The following RANBP2 variants were observed in gnomAD, a reference collection of about 807,000 sequenced individuals.
RANBP2 encodes the protein RAN binding protein 2, also known as E3 SUMO-protein ligase RanBP2.
RANBP2 carries 57 observed loss-of-function variants against 303.6 expected under a neutral mutation model. The observed-to-expected ratio is 0.19, with a 90% CI of 0.15 to 0.23. RANBP2 has a LOEUF of 0.23. RANBP2 is among the 10% of genes least tolerant of loss of function. RANBP2 has a pLI of 1.00. For synonymous variants in RANBP2, 1,167 were observed against 1,301.5 expected, an observed-to-expected ratio of 0.90 and a Z score of 2.23; for missense variants, 3,138 against 3,780.8, an observed-to-expected ratio of 0.83 and a Z score of 4.46.
intron 8 of RANBP2, among the ~76,000 whole-genome samples, chr2:108,747,081 A>C (rs535175098): frequency 9.8e-5 from 15 of 152,314 alleles, no homozygotes; most frequent in Admixed American, 3.3e-4. Flanking sequence ...CACTTCCTGA[A>C]CTAAGTATAA....
At chr2:109,719,762 T>C in the RANBP2 span, among the ~76,000 whole-genome samples, 2 of 152,146 alleles carry the variant, frequency 1.3e-5, no homozygotes, top group Non-Finnish European at 2.9e-5. Context: ...GGAGAGTCCA[T>C]AGATACCTTA....
At chr2:108,886,358 A>G in the RANBP2 span, among the ~76,000 whole-genome samples, 2 of 152,066 alleles carry the variant, frequency 1.3e-5, no homozygotes, top group Non-Finnish European at 2.9e-5. Context: ...TTTTTCATGT[A>G]TCTGTTGGTT....
At chr2:108,973,020 CTT>C in the RANBP2 span, among the ~76,000 whole-genome samples, 11 of 151,870 alleles carry the variant, frequency 7.2e-5, 1 homozygote, top group African/African-American at 2.2e-4. Context: ...GAGTTTCACT[CTT>C]GTCATCCAGG....
chr2:109,499,502 G>A, the RANBP2 span, among the ~76,000 whole-genome samples: 1 of 152,196 alleles, frequency 6.6e-6, no homozygotes, highest in Non-Finnish European at 1.5e-5. Context: ...GGCTGGGGGT[G>A]CAGGGGCCCA....
chr2:109,437,837 A>G, the RANBP2 span, among the ~76,000 whole-genome samples: 1 of 152,214 alleles, frequency 6.6e-6, no homozygotes, highest in Non-Finnish European at 1.5e-5. Context: ...TGTTGAGCTA[A>G]TAAGAACTGC....
At chr2:109,318,044 G>A in the RANBP2 span, among the ~76,000 whole-genome samples, 1,276 of 150,388 alleles carry the variant, frequency 8.5e-3, 15 homozygotes, top group African/African-American at 0.03. Context: ...GAGGATCATC[G>A]TGATCCTTTC....
the RANBP2 span, among the ~76,000 whole-genome samples, chr2:109,730,280 G>C: frequency 1.3e-5 from 2 of 152,148 alleles, no homozygotes; most frequent in East Asian, 1.9e-4. Flanking sequence ...TGGATGGTTT[G>C]AATAAACCTC....
chr2:109,732,805 C>G, the RANBP2 span: 7 of 1,171,816 alleles, frequency 6.0e-6, no homozygotes, highest in African/African-American at 1.1e-4. Context: ...GTGGACCACT[C>G]TGAAGTGTGT....
chr2:109,189,953 G>A, the RANBP2 span, among the ~76,000 whole-genome samples: 1 of 152,204 alleles, frequency 6.6e-6, no homozygotes, highest in Non-Finnish European at 1.5e-5. Flanking sequence ...CAAACTCTGT[G>A]TGGAATGTTC....
the RANBP2 span, among the ~76,000 whole-genome samples, chr2:109,737,889 A>G: frequency 2.6e-5 from 4 of 152,268 alleles, no homozygotes; most frequent in South Asian, 6.2e-4. Context: ...AGAAATGTCT[A>G]CTTAGATCAT....
chr2:109,500,850 T>C, the RANBP2 span, among the ~76,000 whole-genome samples: 3 of 152,144 alleles, frequency 2.0e-5, no homozygotes, highest in African/African-American at 7.2e-5. Flanking sequence ...TTCGGGAGGC[T>C]GAGGTGGGAG....
the RANBP2 span, among the ~76,000 whole-genome samples, chr2:109,574,056 A>C: frequency 1.3e-3 from 192 of 152,312 alleles, 2 homozygotes; most frequent in South Asian, 0.024. Context: ...GGAAACTAAA[A>C]TTTTATTGCA....
At chr2:109,183,323 C>T in the RANBP2 span, among the ~76,000 whole-genome samples, 1 of 151,978 alleles carries the variant, frequency 6.6e-6, no homozygotes, top group Admixed American at 6.6e-5. Flanking sequence ...AATAAAGTAA[C>T]TGATAAGTGC....
At chr2:109,022,255 C>T in the RANBP2 span, among the ~76,000 whole-genome samples, 1 of 152,170 alleles carries the variant, frequency 6.6e-6, no homozygotes, top group Non-Finnish European at 1.5e-5. Flanking sequence ...AACGCCAATA[C>T]TAAACGCCTC....
the RANBP2 span, among the ~76,000 whole-genome samples, chr2:108,976,688 G>A: frequency 6.6e-6 from 1 of 152,012 alleles, no homozygotes; most frequent in Admixed American, 6.6e-5. Context: ...TTAAACTCTG[G>A]GTTATAACCC....
the RANBP2 span, among the ~76,000 whole-genome samples, chr2:109,599,756 C>T: frequency 4.3e-4 from 65 of 152,122 alleles, 1 homozygote; most frequent in Admixed American, 2.0e-4. Flanking sequence ...GAGTCTCAAG[C>T]TTAACAAAAG....
chr2:109,161,577 A>C, the RANBP2 span, among the ~76,000 whole-genome samples: 1 of 151,718 alleles, frequency 6.6e-6, no homozygotes, highest in East Asian at 1.9e-4. Flanking sequence ...AATAAAGAAA[A>C]AAAAGGTTTA....
chr2:109,684,657 C>T, the RANBP2 span, among the ~76,000 whole-genome samples: 1 of 151,328 alleles, frequency 6.6e-6, no homozygotes, highest in African/African-American at 2.4e-5. Context: ...CCTCAGCCTC[C>T]TGAGTAGCTG....
chr2:109,294,034 T>C, the RANBP2 span, among the ~76,000 whole-genome samples: 1 of 152,216 alleles, frequency 6.6e-6, no homozygotes, highest in African/African-American at 2.4e-5. Flanking sequence ...CTTCTTGGAA[T>C]GGTCTTTTCT....
Sources: gnomAD v4.1 joint callset for allele counts (sites outside exome capture counted in the v4.1 genomes callset) on GRCh38, gnomAD v4.1.1 for gene constraint, MANE v1.5 for transcripts, NCBI Gene and HGNC (gene_info 2026-07-23, HGNC 2026-07-21) for gene names.